Variants in PKIB observed in about 807,000 individuals in gnomAD.
PKIB encodes cAMP-dependent protein kinase inhibitor beta.
A neutral mutation model predicts 4.5 loss-of-function variants in PKIB; 2 were observed. The observed-to-expected ratio is 0.44, with a 90% CI of 0.18 to 1.39. The LOEUF (loss-of-function observed/expected upper bound fraction) is 1.39, where lower values mean the gene tolerates loss of function less well. PKIB is among the 40% of genes most tolerant of loss of function. The probability of loss-of-function intolerance (pLI) is 0.27; values close to 1 mark genes in which losing one functional copy is unlikely to be tolerated. For synonymous variants in PKIB, 38 were observed against 36.0 expected (o/e 1.06, Z -0.20); for missense variants, 94 against 92.6 (o/e 1.02, Z -0.06).
intron 4 of PKIB, among the ~76,000 whole-genome samples, chr6:122,724,567 G>A (rs897983522): frequency 3.8e-4 from 58 of 152,306 alleles, no homozygotes; most frequent in African/African-American, 1.2e-3. Flanking sequence ...TAAAAAGAGG[G>A]AAGGCAGAAA....
chr6:122,544,988 A>T (rs1010840845), intron 2 of PKIB, among the ~76,000 whole-genome samples: 5 of 152,098 alleles, frequency 3.3e-5, no homozygotes, highest in African/African-American at 1.2e-4. Flanking sequence ...ATCAAAAAAT[A>T]ACAGATGCTA....
intron 2 of PKIB, among the ~76,000 whole-genome samples, chr6:122,657,776 CT>C (rs1776830966): frequency 6.6e-6 from 1 of 152,228 alleles, no homozygotes; most frequent in African/African-American, 2.4e-5. Context: ...TAAACACTGG[CT>C]TTCAGCCACA....
chr6:122,604,157 G>C (rs998766649), intron 3 of PKIB, among the ~76,000 whole-genome samples: 5 of 152,186 alleles, frequency 3.3e-5, no homozygotes, highest in African/African-American at 9.6e-5. Context: ...GAAGAAGTTA[G>C]AAAATACCAA....
intron 2 of PKIB, among the ~76,000 whole-genome samples, chr6:122,492,107 G>C (rs546337962): frequency 3.7e-4 from 56 of 152,258 alleles, no homozygotes; most frequent in Non-Finnish European, 6.6e-4. Flanking sequence ...GAACCAAGAG[G>C]GGGCAGCAGA....
chr6:122,550,667 C>T (rs1772650236), intron 2 of PKIB, among the ~76,000 whole-genome samples: 1 of 152,138 alleles, frequency 6.6e-6, no homozygotes, highest in East Asian at 1.9e-4. Context: ...GAATGAACTG[C>T]TCTTTAGAAA....
At chr6:122,665,676 T>C (rs1460383673) in intron 2 of PKIB, among the ~76,000 whole-genome samples, 1 of 152,032 alleles carries the variant, frequency 6.6e-6, no homozygotes, top group African/African-American at 2.4e-5. Flanking sequence ...AAAAAGAAAG[T>C]TGGTTGTAAA....
intron 2 of PKIB, among the ~76,000 whole-genome samples, chr6:122,650,076 A>G (rs1776489790): frequency 6.6e-6 from 1 of 152,200 alleles, no homozygotes; most frequent in Admixed American, 6.5e-5. Context: ...ATAAAGAATA[A>G]GTTGCTTCTA....
At chr6:122,686,996 T>C (rs1778120308) in intron 3 of PKIB, among the ~76,000 whole-genome samples, 1 of 152,206 alleles carries the variant, frequency 6.6e-6, no homozygotes, top group Admixed American at 6.5e-5. Context: ...CCATTTTTGC[T>C]TTGGGTGCCT....
At chr6:122,683,055 A>C (rs1220745586) in intron 3 of PKIB, among the ~76,000 whole-genome samples, 1 of 152,166 alleles carries the variant, frequency 6.6e-6, no homozygotes, top group Non-Finnish European at 1.5e-5. Flanking sequence ...AGGTTGATTT[A>C]ATTATGTGCT....
At chr6:122,698,080 C>T (rs1196879401) in intron 3 of PKIB, among the ~76,000 whole-genome samples, 1 of 152,022 alleles carries the variant, frequency 6.6e-6, no homozygotes, top group Non-Finnish European at 1.5e-5. Context: ...ATTGTGCTGA[C>T]CCTTGGGTTC....
chr6:122,486,237 C>A (rs983290360), intron 2 of PKIB, among the ~76,000 whole-genome samples: 3 of 152,168 alleles, frequency 2.0e-5, no homozygotes, highest in Non-Finnish European at 4.4e-5. Context: ...CCAGTTTCAT[C>A]ATTTCTGGTT....
At chr6:122,650,790 A>G (rs1486416536) in intron 2 of PKIB, among the ~76,000 whole-genome samples, 2 of 152,318 alleles carry the variant, frequency 1.3e-5, no homozygotes, top group East Asian at 3.9e-4. Context: ...CTCCTGGGGT[A>G]TGTGAGCAGG....
At chr6:122,592,575 C>T (rs1774051861) in intron 3 of PKIB, among the ~76,000 whole-genome samples, 1 of 152,222 alleles carries the variant, frequency 6.6e-6, no homozygotes, top group Non-Finnish European at 1.5e-5. Flanking sequence ...TCCCACATCA[C>T]TTCTCTCACC....
At chr6:122,498,179 G>T (rs1284874251) in intron 2 of PKIB, among the ~76,000 whole-genome samples, 4 of 152,186 alleles carry the variant, frequency 2.6e-5, no homozygotes, top group Admixed American at 1.3e-4. Flanking sequence ...CAAAAGAAAG[G>T]TGTATTGGAC....
chr6:122,651,448 A>G lies in PKIB; in HGVS notation c.-76+18081A>G, dbSNP rs953604767. 2.0e-5 allele frequency among the ~76,000 whole-genome samples: 3 copies of G among 152,140 alleles called. No individual in the cohort carries two copies. The East Asian group carries it at 5.8e-4, about 29-fold the overall frequency. On this transcript the variant is annotated intron_variant, in intron 2 of 4. Coordinates refer to ENST00000368452, the MANE Select transcript of PKIB (RefSeq NM_181795.3). ...GAGAATCAACAGGGTCTTGCAAGAC[A>G]CCTACCTCAGGAGCAGCCATTACTG...
At chr6:122,526,601 G>A (rs1777097867) in intron 2 of PKIB, among the ~76,000 whole-genome samples, 2 of 152,104 alleles carry the variant, frequency 1.3e-5, no homozygotes, top group South Asian at 2.1e-4. Flanking sequence ...CTTTTTCTTT[G>A]ATCAGTGGGT....
chr6:122,604,832 A>G (rs989450625), intron 3 of PKIB, among the ~76,000 whole-genome samples: 27 of 152,174 alleles, frequency 1.8e-4, no homozygotes, highest in African/African-American at 6.0e-4. Context: ...ACAATGCCCT[A>G]TTGATCAGGA....
chr6:122,708,005 T>A (rs921348120), intron 3 of PKIB, among the ~76,000 whole-genome samples: 13 of 152,238 alleles, frequency 8.5e-5, no homozygotes, highest in African/African-American at 2.9e-4. Context: ...TTTTATTTAT[T>A]GAGTGCTTGC....
intron 1 of PKIB, among the ~76,000 whole-genome samples, chr6:122,633,067 C>G (rs1339784861): frequency 2.0e-5 from 3 of 152,052 alleles, no homozygotes; most frequent in African/African-American, 7.2e-5. Context: ...GCTGCTTACT[C>G]AAGAAAATTT....
Sources: gnomAD v4.1 joint callset for allele counts (sites outside exome capture counted in the v4.1 genomes callset) on GRCh38, gnomAD v4.1.1 for gene constraint, MANE v1.5 for transcripts, NCBI Gene and HGNC (gene_info 2026-07-23, HGNC 2026-07-21) for gene names.